Variants in CDX2 observed in about 807,000 individuals in gnomAD.
The protein encoded by CDX2 is caudal type homeobox 2.
Under a neutral mutation model 25.5 loss-of-function variants are expected in CDX2, and 7 were observed. The observed-to-expected ratio is 0.27, with a 90% confidence interval of 0.16 to 0.52. The LOEUF (loss-of-function observed/expected upper bound fraction) is 0.52, where lower values mean the gene tolerates loss of function less well. CDX2 is among the 20% of genes least tolerant of loss of function. The probability of loss-of-function intolerance (pLI) is 0.97; values close to 1 mark genes in which losing one functional copy is unlikely to be tolerated. For synonymous variants in CDX2, 222 were observed against 198.6 expected (o/e 1.12, Z -0.99); for missense variants, 375 against 431.4 (o/e 0.87, Z 1.16).
chr13:27,963,113 G>C lies in CDX2; in HGVS notation c.*2C>G. On this transcript the variant is annotated 3_prime_UTR_variant, in exon 3 of 3. Transcript: ENST00000381020. ...TGCTCTGCCGCTGCAGAACCCGGTG[G>C]GTCACTGGGTGACGGTGGGGTTTAG... 1 of 1,607,818 alleles carries C rather than the reference G, an allele frequency of 6.2e-7. No homozygotes were observed. The highest frequency in any genetic ancestry group is 8.5e-7 in the Non-Finnish European group (1 of 1,175,786).
chr13:27,963,218 T>G lies in CDX2; in HGVS notation c.839A>C (p.Glu280Ala), dbSNP rs1163501642. Residue 280 changes from glutamate (E) to alanine (A), a missense_variant, in exon 3 of 3, where the codon GAG (glutamate) becomes GCG (alanine). By Grantham distance (107) the Glu-to-Ala change is moderately radical. Transcript: ENST00000381020. ...CAGGGAAGACACCGGACTCAAGGGCTCTGGGACACTTCTCAGAGGACCTGG... is the reference window on the plus strand; with the variant it reads ...CAGGGAAGACACCGGACTCAAGGGCGCTGGGACACTTCTCAGAGGACCTGG... The part of the protein sequence containing the change: ...PQPGPLRSVP[E>A]PLSPVSSLQA... 24 of 1,614,076 alleles carry G rather than the reference T, an allele frequency of 1.5e-5. No individual in the cohort carries two copies. Among genetic ancestry groups the G allele is most frequent in the Non-Finnish European group, 2.0e-5 (24 of 1,180,036 alleles).
intron 1 of CDX2, among the ~76,000 whole-genome samples, 168 bp from the exon 2 acceptor site, chr13:27,965,183 G>A (rs571463392): frequency 1.4e-4 from 19 of 137,484 alleles, no homozygotes; most frequent in Admixed American, 6.8e-4. Flanking sequence ...AGGGTCCTGT[G>A]GGGGGAGGGT....
rs1869207255 is a variant in CDX2, at chr13:27,964,375, CACA to C, written c.687+492_687+494del. On this transcript the variant is annotated intron_variant, in intron 2 of 2. Coordinates refer to ENST00000381020, the MANE Select transcript of CDX2 (RefSeq NM_001265.6). This position sits in a 1 kb window ranked among gnomAD's most constrained non-coding sequence, Gnocchi z 4.7. ...GACCGCGCCATTGCACTTCAGCCTG[CACA>C]ACAAGAGTGAAACTGCGTTTCGACG... Among the ~76,000 whole-genome samples the C allele has an allele frequency of 6.6e-6, 1 of 151,700 alleles. No homozygotes were observed. Among genetic ancestry groups the C allele is most frequent in the Non-Finnish European group, 1.5e-5 (1 of 67,986 alleles).
Position 27,969,101 on chromosome 13 carries a change from C to G in CDX2, c.-95G>C. The G allele has an allele frequency of 1.1e-6, 1 of 924,466 alleles. No homozygotes were observed. Among genetic ancestry groups the G allele is most frequent in the Non-Finnish European group, 1.6e-6 (1 of 632,284 alleles). 57.3% of individuals were successfully genotyped at this position (924,466 alleles called of 1,614,324 possible). ...ACGAAGGGAAAGGGGCGAGGGGACT[C>G]GAGGAGCGGCGGGTGGCTGCGCCCC... On this transcript the variant is annotated 5_prime_UTR_variant, in exon 1 of 3. Coordinates refer to ENST00000381020, the MANE Select transcript of CDX2 (RefSeq NM_001265.6).
In CDX2 at chr13:27,968,582, G is replaced by A. The variant is rs1869460087; in HGVS notation, c.425C>T (p.Pro142Leu). Reference sequence around the variant, plus strand: ...GGTGGCGGCGGGCCCAGGAGGGCCGGGGTTGAGCGTTTGCAGCAGCCCAGA... The same window carrying A: ...GGTGGCGGCGGGCCCAGGAGGGCCGAGGTTGAGCGTTTGCAGCAGCCCAGA... The part of the protein sequence containing the change: ...CASGLLQTLN[P>L]GPPGPAATAA... Residue 142 changes from proline to leucine, a missense_variant, in exon 1 of 3, where the codon CCC becomes CTC. Physicochemically the swap from Pro to Leu is moderately conservative, Grantham distance 98. Transcript: ENST00000381020. 1.3e-6 allele frequency: 2 copies of A among 1,573,010 alleles called. No homozygotes were observed. The highest frequency in any genetic ancestry group is 1.7e-6 in the Non-Finnish European group (2 of 1,168,546).
At position 27,964,005 on chromosome 13, in the gene CDX2, T is replaced by G. The variant is rs1869193626; in HGVS notation, c.688-636A>C. On this transcript the variant is annotated intron_variant, in intron 2 of 2. Transcript: ENST00000381020. The surrounding 1 kb of genome is among the most constrained non-coding windows in gnomAD (Gnocchi z 4.7). ...GGAATTCTGGATTAAACTAATACCC[T>G]TGGCTGTTTTTCACACTTCTTATAT... Among the ~76,000 whole-genome samples the G allele has an allele frequency of 6.6e-6, 1 of 152,192 alleles. No homozygotes were observed. The highest frequency in any genetic ancestry group is 2.4e-5 in the African/African-American group (1 of 41,460).
In CDX2 at chr13:27,963,034, G is replaced by A. The variant is rs764874979; in HGVS notation, c.*81C>T. Reference sequence around the variant, plus strand: ...TATGGCTGTGGGTGGGAGGGGAGGGGTCTCTCCTGAGGAGTCTAGCAGAGT... The same window carrying A: ...TATGGCTGTGGGTGGGAGGGGAGGGATCTCTCCTGAGGAGTCTAGCAGAGT... On this transcript the variant is annotated 3_prime_UTR_variant, in exon 3 of 3. Transcript: ENST00000381020. 1.1e-5 allele frequency: 16 copies of A among 1,469,224 alleles called. No individual in the cohort carries two copies. Among genetic ancestry groups the A allele is most frequent in the Non-Finnish European group, 1.4e-5 (16 of 1,106,516 alleles). The allele number at this position is 1,469,224 out of a possible 1,614,324, so 91.0% of individuals were successfully genotyped here. A position where few individuals can be genotyped will look rare whatever the true frequency, so the allele number is the denominator to read the frequency against.
In CDX2 at chr13:27,968,998, C is replaced by A; in HGVS notation, c.9G>T (p.Val3=). Residue 3 remains valine (V), a synonymous_variant, in exon 1 of 3, where the codon GTG becomes GTT. Transcript: ENST00000381020. ...TCACGTCCTTGTCCAGGAGGTAGCT[C>A]ACGTACATGGTGGCGAGGGTCCGGG... MY[V]SYLLDKDVSM... is the part of the protein sequence containing the mutation. The A allele has an allele frequency of 1.9e-6, 3 of 1,597,024 alleles. No individual in the cohort carries two copies. Among genetic ancestry groups the A allele is most frequent in the Non-Finnish European group, 2.5e-6 (3 of 1,177,796 alleles).
chr13:27,966,894 C>A (rs944489914), intron 1 of CDX2, among the ~76,000 whole-genome samples: 9 of 151,726 alleles, frequency 5.9e-5, no homozygotes, highest in Non-Finnish European at 8.8e-5. Context: ...ACAGATGACG[C>A]TCCGCAGAGG....
Position 27,968,449 on chromosome 13 carries a change from G to T in CDX2, c.541+17C>A. 6.6e-7 allele frequency: 1 copy of T among 1,515,722 alleles called. No homozygotes were observed. The highest frequency in any genetic ancestry group is 1.3e-5 in the South Asian group (1 of 78,988). 93.9% of individuals were successfully genotyped at this position (1,515,722 alleles called of 1,614,324 possible). A position where few individuals can be genotyped will look rare whatever the true frequency, so the allele number is the denominator to read the frequency against. On this transcript the variant is annotated intron_variant, in intron 1 of 2. Coordinates refer to ENST00000381020, the MANE Select transcript of CDX2 (RefSeq NM_001265.6). ...GCCTTCCCAAGCACCCTCCGAAGGG[G>T]CGCAGCCTCTGCTTACCTTGGCTGC...
At position 27,961,889 on chromosome 13, in the gene CDX2, T is replaced by C. The variant is rs1416933994; in HGVS notation, c.*1226A>G. Among the ~76,000 whole-genome samples, 1 of 151,496 alleles carries C rather than the reference T, an allele frequency of 6.6e-6. No individual in the cohort carries two copies. The highest frequency in any genetic ancestry group is 1.5e-5 in the Non-Finnish European group (1 of 67,862). Reference sequence around the variant, plus strand: ...TGGGAAGCACCTGGCCATTCAGATGTGCATTTTGCCCAAAGGCACCCCCAG... The same window carrying C: ...TGGGAAGCACCTGGCCATTCAGATGCGCATTTTGCCCAAAGGCACCCCCAG... On this transcript the variant is annotated 3_prime_UTR_variant, in exon 3 of 3. Coordinates refer to ENST00000381020, the MANE Select transcript of CDX2 (RefSeq NM_001265.6).
At chr13:27,967,989 G>C (rs1478076710) in intron 1 of CDX2, among the ~76,000 whole-genome samples, 1 of 152,130 alleles carries the variant, frequency 6.6e-6, no homozygotes, top group Non-Finnish European at 1.5e-5. Context: ...ACCCCCCCAG[G>C]TCACTTCTCT....
rs376360900 is a variant in CDX2, at chr13:27,968,656, G to C, written c.351C>G (p.His117Gln). 2.6e-6 allele frequency: 4 copies of C among 1,534,318 alleles called. No individual in the cohort carries two copies. The highest frequency in any genetic ancestry group is 3.5e-6 in the Non-Finnish European group (4 of 1,145,042). The change falls in exon 1 of 3, where the codon CAC becomes CAG. Residue 117 changes from histidine to glutamine, a missense_variant. Physicochemically the swap from His to Gln is conservative, Grantham distance 24. Coordinates refer to ENST00000381020, the MANE Select transcript of CDX2 (RefSeq NM_001265.6). ...GGTGGTGCGGGTGGTGATGCGGGTGGTGGTGCGGATGGTAGTCTGCGGGGC... is the reference window on the plus strand; with the variant it reads ...GGTGGTGCGGGTGGTGATGCGGGTGCTGGTGCGGATGGTAGTCTGCGGGGC... ...YSSPADYHPH[H>Q]HPHHHPHHPA... is the part of the protein sequence containing the mutation.
rs1011030964 is a variant in CDX2 at position 27,961,047 on chromosome 13, G to GCCCTGACCCAGGAC, written c.*2054_*2067dup. 3.9e-5 allele frequency among the ~76,000 whole-genome samples: 6 copies of GCCCTGACCCAGGAC among 152,234 alleles called. No individual in the cohort carries two copies. The highest frequency in any genetic ancestry group is 2.1e-4 in the South Asian group (1 of 4,824). On this transcript the variant is annotated 3_prime_UTR_variant, in exon 3 of 3. Transcript: ENST00000381020. Reference sequence around the variant, plus strand: ...CTGCGGGGCACCGGGGCTCAGACCGGCCCTGACCCAGGACCCCTGACCCAG... The same window carrying GCCCTGACCCAGGAC: ...CTGCGGGGCACCGGGGCTCAGACCGGCCCTGACCCAGGACCCCTGACCCAGGACCCCTGACCCAG...
intron 1 of CDX2, 61 bp from the exon 2 acceptor site, chr13:27,965,076 T>C (rs529288343): frequency 3.9e-6 from 6 of 1,550,572 alleles, no homozygotes; most frequent in Admixed American, 1.8e-5. Context: ...TCATGGGTAA[T>C]GACAAACCTC....
chr13:27,965,415 G>A (rs192966151), intron 1 of CDX2, among the ~76,000 whole-genome samples: 38 of 152,258 alleles, frequency 2.5e-4, no homozygotes, highest in African/African-American at 8.9e-4. Context: ...AGAGATGGAA[G>A]CCCACCCCGA....
At chr13:27,967,522 T>TC (rs1177930812) in intron 1 of CDX2, among the ~76,000 whole-genome samples, 8 of 152,022 alleles carry the variant, frequency 5.3e-5, no homozygotes, top group Non-Finnish European at 8.8e-5. Context: ...ACTAGGACTC[T>TC]CCCCACCGCA....
chr13:27,963,079 G>C lies in CDX2; in HGVS notation c.*36C>G, dbSNP rs760315018. The C allele has an allele frequency of 1.3e-6, 2 of 1,587,330 alleles. No homozygotes were observed. The highest frequency in any genetic ancestry group is 1.7e-6 in the Non-Finnish European group (2 of 1,165,852). On this transcript the variant is annotated 3_prime_UTR_variant, in exon 3 of 3. Coordinates refer to ENST00000381020, the MANE Select transcript of CDX2 (RefSeq NM_001265.6). ...CAGAGTCCACGCTCCTCATGGCTCA[G>C]CCTGGAATTGCTCTGCCGCTGCAGA...
intron 1 of CDX2, among the ~76,000 whole-genome samples, chr13:27,966,744 G>A (rs983956072): frequency 2.0e-5 from 3 of 152,160 alleles, no homozygotes; most frequent in African/African-American, 7.2e-5. Context: ...GGGGAGGGAT[G>A]AGAGGGACTT....
Sources: allele counts gnomAD v4.1 joint callset (sites outside exome capture counted in the v4.1 genomes callset), GRCh38; gene constraint gnomAD v4.1.1; non-coding constraint Gnocchi (gnomAD v3.1); transcripts MANE v1.5; gene names NCBI Gene and HGNC (gene_info 2026-07-23, HGNC 2026-07-21).